The following EZH1 variants were observed in gnomAD, a reference collection of about 807,000 sequenced individuals.
The protein encoded by EZH1 is enhancer of zeste 1 polycomb repressive complex 2 subunit, also known as histone-lysine N-methyltransferase EZH1.
EZH1 carries 33 observed loss-of-function variants against 100.5 expected under a neutral mutation model. The observed-to-expected ratio is 0.33, with a 90% CI of 0.25 to 0.44. EZH1 has a LOEUF of 0.44. Ranked by LOEUF, EZH1 falls within the 20% of genes least tolerant of loss-of-function variation. EZH1 has a pLI of 1.00. For missense variants in EZH1, 475 were observed against 928.4 expected (o/e 0.51, Z 6.35); for synonymous variants, 272 against 313.8 (o/e 0.87, Z 1.41).
At chr17:42,713,459 C>G in intron 10 of EZH1, 70 bp from the exon 11 acceptor site, 8 of 1,400,262 alleles carry the variant, frequency 5.7e-6, no homozygotes, top group Non-Finnish European at 7.7e-6. Context: ...TCATCACAAA[C>G]TTTCATCTTT....
intron 13 of EZH1, 157 bp from the exon 14 acceptor site, chr17:42,709,073 A>C: frequency 1.4e-6 from 1 of 735,544 alleles, no homozygotes; most frequent in Non-Finnish European, 2.3e-6. Context: ...CACAGAAGCT[A>C]GAGTCCATCC....
At chr17:42,711,899 T>TGCA (rs1567988184) in intron 12 of EZH1, among the ~76,000 whole-genome samples, 1 of 20,524 alleles carries the variant, frequency 4.9e-5, no homozygotes, top group African/African-American at 1.4e-3. Context: ...GAGCAGCAGC[T>TGCA]GCAGCAGCTG....
intron 8 of EZH1, 48 bp downstream of exon 8, chr17:42,719,057 T>G (rs757180678): frequency 1.4e-6 from 2 of 1,430,960 alleles, no homozygotes; most frequent in Admixed American, 3.5e-5. Context: ...GAATAAAGGT[T>G]TTGTCCGAGC....
At chr17:42,717,833 G>T in intron 10 of EZH1, 143 bp downstream of exon 10, 1 of 672,030 alleles carries the variant, frequency 1.5e-6, no homozygotes, top group Non-Finnish European at 2.6e-6. Context: ...CTTAAGAGCG[G>T]TCCCACAGTA....
At chr17:42,732,895 G>C (rs539323170) in intron 1 of EZH1, among the ~76,000 whole-genome samples, 1 of 152,068 alleles carries the variant, frequency 6.6e-6, no homozygotes, top group African/African-American at 2.4e-5. Context: ...GCTAGAGTGA[G>C]CTACTGAGAT....
At chr17:42,717,871 C>T (rs2053636030) in intron 10 of EZH1, 105 bp downstream of exon 10, 1 of 997,166 alleles carries the variant, frequency 1.0e-6, no homozygotes, top group Non-Finnish European at 1.6e-6. Flanking sequence ...GAGCAAAAGC[C>T]ATGTTTTATT....
At chr17:42,731,504 A>C (rs2053948017) in intron 1 of EZH1, among the ~76,000 whole-genome samples, 1 of 152,158 alleles carries the variant, frequency 6.6e-6, no homozygotes, top group African/African-American at 2.4e-5. Context: ...AATACATGTA[A>C]AAATTCAATA....
intron 12 of EZH1, 27 bp downstream of exon 12, chr17:42,712,262 A>G (rs1567988422): frequency 3.7e-6 from 6 of 1,608,698 alleles, no homozygotes; most frequent in Non-Finnish European, 5.1e-6. Context: ...GGAGGGGCCC[A>G]TTTGTTCTGC....
At chr17:42,723,568 G>A (rs1041860468) in intron 5 of EZH1, among the ~76,000 whole-genome samples, 1 of 152,110 alleles carries the variant, frequency 6.6e-6, no homozygotes, top group East Asian at 1.9e-4. Flanking sequence ...CACTCAATGG[G>A]AACCTAAAGT....
At position 42,718,578 on chromosome 17, in the gene EZH1, A is replaced by G. The variant is rs192650282; in HGVS notation, c.807T>C (p.Leu269=). Residue 269 remains leucine (L), a synonymous_variant, in exon 9 of 21, where the codon CTT becomes CTC. Coordinates refer to ENST00000428826, the MANE Select transcript of EZH1 (RefSeq NM_001991.5). The surrounding 1 kb of genome is among the most constrained non-coding windows in gnomAD (Gnocchi z 4.2). ...ELTEMSDPNA[L]PPQCTPNIDG... is the part of the protein sequence containing the mutation. ...CGATGTTGGGTGTGCACTGAGGGGGAAGTGCATTGGGGTCTGACATCTCTG... is the reference window on the plus strand; with the variant it reads ...CGATGTTGGGTGTGCACTGAGGGGGGAGTGCATTGGGGTCTGACATCTCTG... 3.2e-5 allele frequency: 51 copies of G among 1,614,100 alleles called. No individual in the cohort carries two copies. The African/African-American group carries it at 6.5e-4, about 21-fold the overall frequency.
intron 3 of EZH1, 103 bp downstream of exon 3, chr17:42,728,722 A>C (rs2053874995): frequency 5.7e-6 from 7 of 1,219,972 alleles, no homozygotes; most frequent in Non-Finnish European, 7.9e-6. Flanking sequence ...AACCTGGGTG[A>C]CAGAGTGAGA....
At chr17:42,741,226 G>T (rs1427171853) in intron 1 of EZH1, among the ~76,000 whole-genome samples, 1 of 152,206 alleles carries the variant, frequency 6.6e-6, no homozygotes, top group African/African-American at 2.4e-5. Flanking sequence ...GAACAAAGTG[G>T]AAACTGTTTT....
chr17:42,703,513 C>T (rs563172331), intron 19 of EZH1: 30 of 535,828 alleles, frequency 5.6e-5, no homozygotes, highest in South Asian at 5.3e-4. Flanking sequence ...CACTATGTTG[C>T]TCAGGCTGGT....
intron 7 of EZH1, 94 bp downstream of exon 7, chr17:42,720,179 A>C (rs2053678777): frequency 7.4e-7 from 1 of 1,343,814 alleles, no homozygotes; most frequent in African/African-American, 1.5e-5. Context: ...AAGAAGCACC[A>C]ACAGCCTTTA....
intron 4 of EZH1, among the ~76,000 whole-genome samples, chr17:42,727,333 GC>G (rs561261094): frequency 4.1e-4 from 62 of 152,042 alleles, no homozygotes; most frequent in African/African-American, 1.3e-3. Context: ...GTTTATTTCA[GC>G]CTTGAACTTC....
intron 1 of EZH1, among the ~76,000 whole-genome samples, chr17:42,734,795 A>G (rs1299553634): frequency 6.6e-6 from 1 of 152,102 alleles, no homozygotes; most frequent in Non-Finnish European, 1.5e-5. Context: ...GGAGTTCGAA[A>G]CCAGCCTGGC....
intron 11 of EZH1, 132 bp downstream of exon 11, chr17:42,713,072 ATCTTT>A: frequency 1.6e-6 from 1 of 618,412 alleles, no homozygotes; most frequent in South Asian, 2.6e-5. Flanking sequence ...AATATTCCCC[ATCTTT>A]ACTGTTTACA....
chr17:42,718,149 T>C lies in EZH1; in HGVS notation c.932-82A>G, dbSNP rs776882159. 8.1e-6 allele frequency: 10 copies of C among 1,240,996 alleles called. No individual in the cohort carries two copies. Among genetic ancestry groups the C allele is most frequent in the Non-Finnish European group, 1.2e-5 (10 of 858,202 alleles). 76.9% of individuals were successfully genotyped at this position (1,240,996 alleles called of 1,614,324 possible). A position where few individuals can be genotyped will look rare whatever the true frequency, so the allele number is the denominator to read the frequency against. On this transcript the variant is annotated intron_variant, in intron 9 of 20. Coordinates refer to ENST00000428826, the MANE Select transcript of EZH1 (RefSeq NM_001991.5). The surrounding 1 kb of genome is among the most constrained non-coding windows in gnomAD (Gnocchi z 4.2). ...GAAACAAAAGTGAATTAGAGAGCTATTGTAGGAGTTAGAATTCGATATAAA... is the reference window on the plus strand; with the variant it reads ...GAAACAAAAGTGAATTAGAGAGCTACTGTAGGAGTTAGAATTCGATATAAA...
Position 42,724,179 on chromosome 17 carries a change from T to G in EZH1, c.366+126A>C, listed in dbSNP as rs2053772240. 2.8e-6 allele frequency: 3 copies of G among 1,085,162 alleles called. No homozygotes were observed. In the South Asian group the frequency reaches 4.4e-5, roughly 16 times the overall value. 67.2% of individuals were successfully genotyped at this position (1,085,162 alleles called of 1,614,324 possible). On this transcript the variant is annotated intron_variant, in intron 5 of 20. Coordinates refer to ENST00000428826, the MANE Select transcript of EZH1 (RefSeq NM_001991.5). The stretch of plus-strand genomic sequence containing the variant: ...GTTTAGAGTAAGTAAATTACAACCT[T>G]GTTCTGCCCTGCATGTCCTAGCTGT...
Sources: gnomAD v4.1 joint callset for allele counts (sites outside exome capture counted in the v4.1 genomes callset) on GRCh38, gnomAD v4.1.1 for gene constraint, Gnocchi (gnomAD v3.1) non-coding constraint, MANE v1.5 for transcripts, NCBI Gene and HGNC (gene_info 2026-07-23, HGNC 2026-07-21) for gene names.